Variants in CLIP2 observed in about 807,000 individuals in gnomAD.
CLIP2 encodes the protein CAP-Gly domain containing linker protein 2.
CLIP2 carries 41 observed loss-of-function variants against 111.7 expected under a neutral mutation model. The observed-to-expected ratio is 0.37, with a 90% CI of 0.29 to 0.48. CLIP2 has a LOEUF of 0.48. Ranked by LOEUF, CLIP2 falls within the 20% of genes least tolerant of loss-of-function variation. The pLI is 0.99. For synonymous variants in CLIP2, 660 were observed against 644.2 expected, an observed-to-expected ratio of 1.02 and a Z score of -0.37; for missense variants, 1,160 against 1,422.1, an observed-to-expected ratio of 0.82 and a Z score of 2.96.
chr7:74,364,816 G>A (rs1554310472), intron 8 of CLIP2: 2 of 452,832 alleles, frequency 4.4e-6, no homozygotes, highest in African/African-American at 4.0e-5. Flanking sequence ...GAGCCCAGAA[G>A]TTCAAGACCA....
intron 10 of CLIP2, among the ~76,000 whole-genome samples, chr7:74,378,090 T>A (rs544736566): frequency 5.3e-5 from 8 of 152,046 alleles, no homozygotes; most frequent in Admixed American, 1.3e-4. Context: ...CCTCCCAAAG[T>A]GCTGGGATTA....
chr7:74,333,120 C>T (rs1396083225), intron 2 of CLIP2, among the ~76,000 whole-genome samples: 13 of 152,192 alleles, frequency 8.5e-5, no homozygotes, highest in African/African-American at 2.7e-4. Flanking sequence ...CAGTAAATTC[C>T]TTTGTGGCTC....
chr7:74,360,110 C>T (rs1351190075), intron 6 of CLIP2, 65 bp from the exon 7 acceptor site: 4 of 1,379,710 alleles, frequency 2.9e-6, no homozygotes, highest in Admixed American at 4.1e-5. Flanking sequence ...TCCCACCACA[C>T]CACCAACCTG....
In CLIP2 at chr7:74,338,434, C is replaced by T; in HGVS notation, c.122-14C>T. ...AACAGCCACCTCTTTCCCTTTCCCT[C>T]TCCTTCTCTGCAGGCTCCCCACTGC... On this transcript the variant is annotated splice_polypyrimidine_tract_variant and intron_variant, in intron 2 of 16. Transcript: ENST00000223398. This position sits in a 1 kb window ranked among gnomAD's most constrained non-coding sequence, Gnocchi z 4.3. The T allele has an allele frequency of 1.2e-6, 2 of 1,610,986 alleles. No homozygotes were observed. The highest frequency in any genetic ancestry group is 1.7e-4 in the Middle Eastern group (1 of 5,836).
intron 2 of CLIP2, among the ~76,000 whole-genome samples, chr7:74,327,103 A>G (rs1554730753): frequency 6.6e-6 from 1 of 151,578 alleles, no homozygotes; most frequent in African/African-American, 2.4e-5. Flanking sequence ...CAGTTCTTCA[A>G]AGTTTGTTTT....
intron 1 of CLIP2, among the ~76,000 whole-genome samples, chr7:74,297,635 C>T (rs934945221): frequency 6.6e-5 from 10 of 152,008 alleles, no homozygotes; most frequent in South Asian, 2.1e-4. Context: ...CCATGCCTTG[C>T]GTGCTTAGGG....
At chr7:74,292,478 C>G (rs1007305397) in intron 1 of CLIP2, among the ~76,000 whole-genome samples, 1 of 152,194 alleles carries the variant, frequency 6.6e-6, no homozygotes, top group Non-Finnish European at 1.5e-5. Context: ...CCTCCACCTC[C>G]CAGATTCAAG....
intron 8 of CLIP2, among the ~76,000 whole-genome samples, chr7:74,365,105 AG>A (rs1450223603): frequency 6.6e-6 from 1 of 150,996 alleles, no homozygotes; most frequent in Non-Finnish European, 1.5e-5. Context: ...TCAGAGCCTC[AG>A]CCCAGCTCAG....
chr7:74,324,373 A>G (rs928752621), intron 2 of CLIP2, among the ~76,000 whole-genome samples: 2 of 152,122 alleles, frequency 1.3e-5, no homozygotes, highest in African/African-American at 4.8e-5. Context: ...TCCCTGTGCT[A>G]CTGTGATATC....
At chr7:74,308,991 C>A (rs782396699) in intron 1 of CLIP2, among the ~76,000 whole-genome samples, 29 of 152,090 alleles carry the variant, frequency 1.9e-4, no homozygotes, top group Non-Finnish European at 3.4e-4. Context: ...CCTTAGCCTC[C>A]CCAGTAGCTC....
intron 1 of CLIP2, among the ~76,000 whole-genome samples, chr7:74,304,556 C>CAA (rs11372908): frequency 1.4e-3 from 183 of 130,516 alleles, no homozygotes; most frequent in African/African-American, 3.2e-3. Context: ...GAGACTCTGA[C>CAA]AAAAAAAAAA....
At chr7:74,368,830 T>A (rs1457206714) in intron 8 of CLIP2, among the ~76,000 whole-genome samples, 1 of 152,192 alleles carries the variant, frequency 6.6e-6, no homozygotes, top group Non-Finnish European at 1.5e-5. Context: ...GCTTCAACAG[T>A]CATCAACTCA....
chr7:74,341,346 C>T (rs552180118), intron 3 of CLIP2, among the ~76,000 whole-genome samples: 2 of 151,972 alleles, frequency 1.3e-5, no homozygotes, highest in Non-Finnish European at 2.9e-5. Flanking sequence ...CACCATCACG[C>T]CCTGCTAATT....
intron 4 of CLIP2, among the ~76,000 whole-genome samples, chr7:74,354,669 G>GCT (rs1457984138): frequency 5.3e-5 from 8 of 152,224 alleles, no homozygotes; most frequent in African/African-American, 1.4e-4. Context: ...TACTTGGGAG[G>GCT]CTGAGACATG....
intron 6 of CLIP2, among the ~76,000 whole-genome samples, chr7:74,359,440 G>A (rs868949073): frequency 2.1e-5 from 3 of 144,072 alleles, no homozygotes; most frequent in Non-Finnish European, 3.0e-5. Context: ...TGCAAGCTCC[G>A]CCCCCCAGGT....
chr7:74,343,220 A>G (rs1038013868), intron 3 of CLIP2, among the ~76,000 whole-genome samples: 2 of 151,372 alleles, frequency 1.3e-5, no homozygotes, highest in Non-Finnish European at 2.9e-5. Context: ...CCCAGAGTGG[A>G]GCAGGAACGG....
chr7:74,394,430 A>T (rs950215829), intron 13 of CLIP2, among the ~76,000 whole-genome samples: 2 of 151,740 alleles, frequency 1.3e-5, no homozygotes, highest in African/African-American at 4.8e-5. Context: ...TTGTATTTTT[A>T]GTATAGATAG....
At chr7:74,387,725 T>A (rs912823998) in intron 12 of CLIP2, among the ~76,000 whole-genome samples, 85 of 152,276 alleles carry the variant, frequency 5.6e-4, no homozygotes, top group Non-Finnish European at 8.2e-4. Flanking sequence ...AAGGTGAAGC[T>A]TTTCCTAATC....
chr7:74,391,006 G>A (rs1401932361), intron 13 of CLIP2, among the ~76,000 whole-genome samples: 1 of 151,932 alleles, frequency 6.6e-6, no homozygotes, highest in African/African-American at 2.4e-5. Context: ...CCGAGATTGC[G>A]CCACTACACA....
Sources: gnomAD v4.1 joint callset for allele counts (sites outside exome capture counted in the v4.1 genomes callset) on GRCh38, gnomAD v4.1.1 for gene constraint, Gnocchi (gnomAD v3.1) non-coding constraint, MANE v1.5 for transcripts, NCBI Gene and HGNC (gene_info 2026-07-23, HGNC 2026-07-21) for gene names.